TBC1D12: variants seen among roughly 807,000 people sequenced by gnomAD.
TBC1D12 encodes the protein TBC1 domain family member 12.
TBC1D12 carries 56 observed loss-of-function variants against 86.7 expected under a neutral mutation model. That is an observed-to-expected ratio of 0.65 (90% CI 0.52 to 0.81). The LOEUF (loss-of-function observed/expected upper bound fraction) is 0.81. Ranked by LOEUF, TBC1D12 falls within the 30% of genes least tolerant of loss-of-function variation. TBC1D12 has a pLI of 0.00. For synonymous variants in TBC1D12, 421 were observed against 411.7 expected (o/e 1.02, Z -0.27); for missense variants, 1,023 against 1,038.8 (o/e 0.98, Z 0.21).
rs74978090 is a variant in TBC1D12 at position 94,425,040 on chromosome 10, G to A, written c.972-16856G>A. On this transcript the variant is annotated intron_variant, in intron 1 of 12. Coordinates refer to ENST00000225235, the MANE Select transcript of TBC1D12 (RefSeq NM_015188.2). ...GATGACTGAGCCCTGCTTCTAGTAT[G>A]AGAAAGTTAAACTTATATTTAAAAA... Among the ~76,000 whole-genome samples, 350 of 152,304 alleles carry A rather than the reference G, an allele frequency of 2.3e-3. 1 individual carries two copies. The highest frequency in any genetic ancestry group is 8.1e-3 in the African/African-American group (336 of 41,552).
intron 2 of TBC1D12, among the ~76,000 whole-genome samples, chr10:94,450,610 T>C (rs1218749774): frequency 6.6e-6 from 1 of 151,968 alleles, no homozygotes; most frequent in East Asian, 1.9e-4. Context: ...TCTGGAGGGA[T>C]TATAGGAGCT....
At chr10:94,407,080 TTAAG>T (rs1413439961) in intron 1 of TBC1D12, among the ~76,000 whole-genome samples, 1 of 152,228 alleles carries the variant, frequency 6.6e-6, no homozygotes, top group African/African-American at 2.4e-5. Flanking sequence ...TTATGTTTAC[TTAAG>T]TAAAGAGGGG....
intron 1 of TBC1D12, among the ~76,000 whole-genome samples, chr10:94,428,229 T>C (rs2134071022): frequency 6.6e-6 from 1 of 152,126 alleles, no homozygotes; most frequent in African/African-American, 2.4e-5. Flanking sequence ...GGTTGGTGTA[T>C]TGAATCCTAG....
Position 94,402,716 on chromosome 10 carries a change from G to A in TBC1D12, c.103G>A (p.Ala35Thr), listed in dbSNP as rs747424772. The part of the protein sequence containing the change: ...PVGQDRKVIR[A>T]TGGFGGGVGA... ...GGGCCAGGACAGGAAGGTAATCCGGGCCACGGGCGGCTTTGGCGGAGGCGT... is the reference window on the plus strand; with the variant it reads ...GGGCCAGGACAGGAAGGTAATCCGGACCACGGGCGGCTTTGGCGGAGGCGT... Residue 35 changes from alanine (A) to threonine (T), a missense_variant, in exon 1 of 13, where the codon GCC (alanine) becomes ACC (threonine). By Grantham distance (58) the Ala-to-Thr change is moderately conservative. Transcript: ENST00000225235. 1.2e-5 allele frequency: 19 copies of A among 1,577,924 alleles called. No homozygotes were observed. The highest frequency in any genetic ancestry group is 2.3e-5 in the South Asian group (2 of 87,170).
intron 1 of TBC1D12, among the ~76,000 whole-genome samples, chr10:94,406,309 T>G (rs535303236): frequency 4.4e-4 from 67 of 152,308 alleles, no homozygotes; most frequent in African/African-American, 1.6e-3. Context: ...GAGCACTGGA[T>G]TTGAAGTCAG....
In TBC1D12 at chr10:94,403,194, C is replaced by A; in HGVS notation, c.581C>A (p.Pro194Gln). The change falls in exon 1 of 13, where the codon CCG (proline) becomes CAG (glutamine). Residue 194 changes from proline (P) to glutamine (Q), a missense_variant. By Grantham distance (76) the Pro-to-Gln change is moderately conservative (BLOSUM62 -1). Coordinates refer to ENST00000225235, the MANE Select transcript of TBC1D12 (RefSeq NM_015188.2). Reference protein sequence around the residue: ...GAGSPSDWASPLEDPLRSCCL... With the variant: ...GAGSPSDWASQLEDPLRSCCL... ...GGAAGCCCGTCCGATTGGGCCTCTC[C>A]GCTTGAGGACCCGCTGCGGAGCTGC... 1 of 1,498,410 alleles carries A rather than the reference C, an allele frequency of 6.7e-7. No individual in the cohort carries two copies. The highest frequency in any genetic ancestry group is 8.9e-7 in the Non-Finnish European group (1 of 1,126,666). The allele number at this position is 1,498,410 out of a possible 1,614,324, so 92.8% of individuals were successfully genotyped here.
At chr10:94,486,575 G>A (rs1444962149) in intron 3 of TBC1D12, among the ~76,000 whole-genome samples, 1 of 151,904 alleles carries the variant, frequency 6.6e-6, no homozygotes, top group South Asian at 2.1e-4. Flanking sequence ...TCATTCAGGA[G>A]GATATTGTTT....
At chr10:94,412,973 A>G (rs2054946059) in intron 1 of TBC1D12, among the ~76,000 whole-genome samples, 1 of 152,186 alleles carries the variant, frequency 6.6e-6, no homozygotes, top group South Asian at 2.1e-4. Context: ...CAGGAATCCA[A>G]CTTTTTAAAA....
At chr10:94,491,540 G>A (rs2056245374) in intron 3 of TBC1D12, among the ~76,000 whole-genome samples, 1 of 152,144 alleles carries the variant, frequency 6.6e-6, no homozygotes, top group African/African-American at 2.4e-5. Flanking sequence ...TTTTGCTTAA[G>A]GCAATTTCAG....
At chr10:94,531,787 A>ATGTTATTTTATTTTT (rs1842432673) in intron 12 of TBC1D12, among the ~76,000 whole-genome samples, 1 of 137,850 alleles carries the variant, frequency 7.3e-6, no homozygotes, top group Admixed American at 7.0e-5. Flanking sequence ...ATTTTATTTT[A>ATGTTATTTTATTTTT]TGTTATTTTA....
intron 2 of TBC1D12, among the ~76,000 whole-genome samples, chr10:94,465,880 G>A (rs1410559529): frequency 6.7e-6 from 1 of 149,558 alleles, no homozygotes. Flanking sequence ...ACACATACAT[G>A]TATGTATATA....
chr10:94,411,158 A>C (rs1233148865), intron 1 of TBC1D12, among the ~76,000 whole-genome samples: 1 of 152,158 alleles, frequency 6.6e-6, no homozygotes. Flanking sequence ...TAGAAATATC[A>C]GTGATCTTTG....
intron 2 of TBC1D12, among the ~76,000 whole-genome samples, chr10:94,449,869 C>T (rs1392820329): frequency 6.6e-6 from 1 of 152,130 alleles, no homozygotes; most frequent in African/African-American, 2.4e-5. Flanking sequence ...AGATTCTTGC[C>T]ACCCTCCCTT....
chr10:94,529,129 G>C (rs1265406070), intron 11 of TBC1D12, among the ~76,000 whole-genome samples: 1 of 151,876 alleles, frequency 6.6e-6, no homozygotes, highest in African/African-American at 2.4e-5. Flanking sequence ...GCCCACCTCA[G>C]CCTCTCGAGT....
intron 9 of TBC1D12, among the ~76,000 whole-genome samples, chr10:94,512,527 ATGTC>A (rs2056539343): frequency 1.3e-5 from 2 of 152,356 alleles, no homozygotes; most frequent in African/African-American, 4.8e-5. Context: ...TTATGACTAT[ATGTC>A]AGGCATTGTT....
chr10:94,470,367 T>TATG (rs1253664004), intron 2 of TBC1D12, among the ~76,000 whole-genome samples: 2 of 152,042 alleles, frequency 1.3e-5, no homozygotes, highest in Non-Finnish European at 2.9e-5. Context: ...AATATTTGAT[T>TATG]ATTATTATTA....
chr10:94,406,815 T>G (rs1564932634), intron 1 of TBC1D12, among the ~76,000 whole-genome samples: 1 of 152,180 alleles, frequency 6.6e-6, no homozygotes, highest in Non-Finnish European at 1.5e-5. Context: ...CCCACTTCAT[T>G]TTTTTAGATG....
At position 94,480,695 on chromosome 10, in the gene TBC1D12, A is replaced by T. The variant is rs182960659; in HGVS notation, c.1211+5912A>T. On this transcript the variant is annotated intron_variant, in intron 3 of 12. Transcript: ENST00000225235. Reference sequence around the variant, plus strand: ...AGCAAAACCTTGTCTCTACAAAAAAAATATATATATATGTTTATATATATA... The same window carrying T: ...AGCAAAACCTTGTCTCTACAAAAAATATATATATATATGTTTATATATATA... Among the ~76,000 whole-genome samples the T allele has an allele frequency of 6.1e-3, 910 of 150,380 alleles. 8 individuals carry two copies. The highest frequency in any genetic ancestry group is 0.019 in the African/African-American group (798 of 41,114).
chr10:94,497,589 C>T lies in TBC1D12; in HGVS notation c.1412+417C>T, dbSNP rs557211968. 5.8e-4 allele frequency among the ~76,000 whole-genome samples: 86 copies of T among 148,500 alleles called. 1 individual carries two copies. Among genetic ancestry groups the T allele is most frequent in the African/African-American group, 2.0e-3 (81 of 40,114 alleles). On this transcript the variant is annotated intron_variant, in intron 5 of 12. Coordinates refer to ENST00000225235, the MANE Select transcript of TBC1D12 (RefSeq NM_015188.2). Reference sequence around the variant, plus strand: ...GGCTGGAGTGCAGTGGCGTGGTCTCCGCTCACTGCAAGCTCCGCCTCCCGG... The same window carrying T: ...GGCTGGAGTGCAGTGGCGTGGTCTCTGCTCACTGCAAGCTCCGCCTCCCGG...
Sources: allele counts gnomAD v4.1 joint callset (sites outside exome capture counted in the v4.1 genomes callset), GRCh38; gene constraint gnomAD v4.1.1; transcripts MANE v1.5; gene names NCBI Gene and HGNC (gene_info 2026-07-23, HGNC 2026-07-21).